Variants in TNFAIP2 observed in about 807,000 individuals in gnomAD.
TNFAIP2 encodes the protein tumor necrosis factor alpha-induced protein 2.
In TNFAIP2, 47 loss-of-function variants were observed where a neutral mutation model predicts 63.5. The ratio of observed to expected loss-of-function variants is 0.74; its 90% CI spans 0.59 to 0.94. The LOEUF (loss-of-function observed/expected upper bound fraction) is 0.94, where lower values mean the gene tolerates loss of function less well. Among genes scored for constraint, TNFAIP2 ranks in the 40% least tolerant of loss-of-function variants. The pLI is 0.00. For missense variants in TNFAIP2, 787 were observed against 850.2 expected (o/e 0.93, Z 0.92); for synonymous variants, 405 against 390.2 (o/e 1.04, Z -0.45).
At position 103,135,427 on chromosome 14, in the gene TNFAIP2, T is replaced by C. The variant is rs1737711524; in HGVS notation, c.*67T>C. On this transcript the variant is annotated 3_prime_UTR_variant, in exon 12 of 12. Transcript: ENST00000560869. This position sits in a 1 kb window ranked among gnomAD's most constrained non-coding sequence, Gnocchi z 7.6. ...CTTGGGCACACCCCGCTGGGAGCTG[T>C]TAAGAGCAGCGCTGGTTCTCGGTTC... 2 of 1,537,154 alleles carry C rather than the reference T, an allele frequency of 1.3e-6. No homozygotes were observed. The highest frequency in any genetic ancestry group is 2.5e-5 in the South Asian group (2 of 78,706).
chr14:103,137,023 C>T lies in TNFAIP2; in HGVS notation c.*1663C>T, dbSNP rs1353611157. The T allele has an allele frequency of 6.6e-6, 1 of 151,994 alleles. No homozygotes were observed. The highest frequency in any genetic ancestry group is 2.4e-5 in the African/African-American group (1 of 41,284). 9.4% of individuals were successfully genotyped at this position (151,994 alleles called of 1,614,324 possible). A position where few individuals can be genotyped will look rare whatever the true frequency, so the allele number is the denominator to read the frequency against. On this transcript the variant is annotated 3_prime_UTR_variant, in exon 12 of 12. Transcript: ENST00000560869. Reference sequence around the variant, plus strand: ...TCTGCCCACCGCACCCTCCGTTCATCCCCTGCCCTGCCGGGCACCTCGCTC... The same window carrying T: ...TCTGCCCACCGCACCCTCCGTTCATTCCCTGCCCTGCCGGGCACCTCGCTC...
At position 103,127,048 on chromosome 14, in the gene TNFAIP2, G is replaced by T. The variant is rs1056068641; in HGVS notation, c.279G>T (p.Ala93=). Residue 93 remains alanine (A), a synonymous_variant, in exon 3 of 12, where the codon GCG becomes GCT. Transcript: ENST00000560869. The surrounding 1 kb of genome is among the most constrained non-coding windows in gnomAD (Gnocchi z 5.1). ...KAALERGQLE[A]ARPLLALERE... ...CGCTGGAGCGCGGGCAGCTGGAGGC[G>T]GCGCGGCCGCTGCTGGCGCTGGAGC... The T allele has an allele frequency of 3.5e-6, 4 of 1,150,676 alleles. No homozygotes were observed. The highest frequency in any genetic ancestry group is 3.3e-5 in the African/African-American group (2 of 59,858). 71.3% of individuals were successfully genotyped at this position (1,150,676 alleles called of 1,614,324 possible).
At position 103,129,866 on chromosome 14, in the gene TNFAIP2, C is replaced by G. The variant is rs769858539; in HGVS notation, c.975+12C>G. ...TGTCCAGTGAGGCGGTGAGTCTCCACCTGGGCCAGGGAGGGGCAGGGAGGC... is the reference window on the plus strand; with the variant it reads ...TGTCCAGTGAGGCGGTGAGTCTCCAGCTGGGCCAGGGAGGGGCAGGGAGGC... On this transcript the variant is annotated intron_variant, in intron 4 of 11. Transcript: ENST00000560869. 1 of 1,612,180 alleles carries G rather than the reference C, an allele frequency of 6.2e-7. No homozygotes were observed. The highest frequency in any genetic ancestry group is 1.1e-5 in the South Asian group (1 of 91,020).
At position 103,135,920 on chromosome 14, in the gene TNFAIP2, C is replaced by T. The variant is rs561299265; in HGVS notation, c.*560C>T. ...GGCAGGGGCTTTTAGGGTCCTGTGG[C>T]GAGCTGTGAGCACCGCCAGCATTAG... On this transcript the variant is annotated 3_prime_UTR_variant, in exon 12 of 12. Coordinates refer to ENST00000560869, the MANE Select transcript of TNFAIP2 (RefSeq NM_006291.4). The surrounding 1 kb of genome is among the most constrained non-coding windows in gnomAD (Gnocchi z 7.6). 3.9e-6 allele frequency: 5 copies of T among 1,289,800 alleles called. No individual in the cohort carries two copies. The highest frequency in any genetic ancestry group is 5.5e-5 in the East Asian group (1 of 18,058). 79.9% of individuals were successfully genotyped at this position (1,289,800 alleles called of 1,614,324 possible).
At position 103,133,445 on chromosome 14, in the gene TNFAIP2, C is replaced by T. The variant is rs202219293; in HGVS notation, c.1629C>T (p.Ala543=). ...LSKGRLVLKT[A]EQQQQLAGYI... is the part of the protein sequence containing the mutation. ...AGGGGCGCCTGGTCCTCAAGACGGC[C>T]GAGCAGCAGCAGCAGCTGGCTGGGT... The change falls in exon 10 of 12, where the codon GCC becomes GCT. Residue 543 remains alanine (A), a synonymous_variant. Coordinates refer to ENST00000560869, the MANE Select transcript of TNFAIP2 (RefSeq NM_006291.4). The T allele has an allele frequency of 8.7e-5, 141 of 1,613,850 alleles. No homozygotes were observed. The highest frequency in any genetic ancestry group is 1.1e-4 in the Non-Finnish European group (128 of 1,180,024).
At chr14:103,122,816 C>T, upstream of TNFAIP2, 1 of 453,926 alleles carries the variant, frequency 2.2e-6, no homozygotes, top group South Asian at 1.6e-5. Flanking sequence ...CTAGGAACCC[C>T]ACTCCGCTAC....
chr14:103,135,415 C>T lies in TNFAIP2; in HGVS notation c.*55C>T, dbSNP rs2227304. The T allele has an allele frequency of 3.6e-3, 5,599 of 1,550,706 alleles. 170 individuals carry two copies. In the African/African-American group the frequency reaches 0.07, roughly 19 times the overall value. On this transcript the variant is annotated 3_prime_UTR_variant, in exon 12 of 12. Coordinates refer to ENST00000560869, the MANE Select transcript of TNFAIP2 (RefSeq NM_006291.4). This position sits in a 1 kb window ranked among gnomAD's most constrained non-coding sequence, Gnocchi z 7.6. ...TGCCCAGCAAGCCTTGGGCACACCC[C>T]GCTGGGAGCTGTTAAGAGCAGCGCT... is the stretch of plus-strand genomic sequence containing the variant.
rs145456121 is a variant in TNFAIP2 at position 103,133,518 on chromosome 14, G to A, written c.1701+1G>A. 16 of 1,612,864 alleles carry A rather than the reference G, an allele frequency of 9.9e-6. No individual in the cohort carries two copies. Among genetic ancestry groups the A allele is most frequent in the South Asian group, 6.6e-5 (6 of 91,042 alleles). On this transcript the variant is annotated splice_donor_variant, in intron 10 of 11. Transcript: ENST00000560869. LOFTEE classifies it high-confidence loss of function. ...CATCCAGCACTTCTGCACCCAGCAC[G>A]TAAGCCGCTGCCCACCTCTCCCAAG... is the stretch of plus-strand genomic sequence containing the variant.
At position 103,126,993 on chromosome 14, in the gene TNFAIP2, T is replaced by G; in HGVS notation, c.236-12T>G. ...GGCTGGGGCCGGGGCTGACGCGGCTTTCCCGGCGCAGTGGAGGAGCTGAAG... is the reference window on the plus strand; with the variant it reads ...GGCTGGGGCCGGGGCTGACGCGGCTGTCCCGGCGCAGTGGAGGAGCTGAAG... On this transcript the variant is annotated splice_polypyrimidine_tract_variant and intron_variant, in intron 2 of 11. Transcript: ENST00000560869. 2 of 1,212,508 alleles carry G rather than the reference T, an allele frequency of 1.6e-6. No homozygotes were observed. Among genetic ancestry groups the G allele is most frequent in the Non-Finnish European group, 2.1e-6 (2 of 973,238 alleles). 75.1% of individuals were successfully genotyped at this position (1,212,508 alleles called of 1,614,324 possible).
In TNFAIP2 at chr14:103,131,696, C is replaced by T; in HGVS notation, c.1356C>T (p.Gly452=). The part of the protein sequence containing the change: ...VPQDTLSLLL[G]PLGELKSHGF... The stretch of plus-strand genomic sequence containing the variant: ...AGGACACCCTGAGCCTCCTGCTGGG[C>T]CCCCTGGGTGAGCTCAAGAGCCACG... Residue 452 remains glycine (G), a synonymous_variant, in exon 8 of 12, where the codon GGC becomes GGT. Transcript: ENST00000560869. This position sits in a 1 kb window ranked among gnomAD's most constrained non-coding sequence, Gnocchi z 4.0. The T allele has an allele frequency of 6.2e-7, 1 of 1,609,472 alleles. No homozygotes were observed. The highest frequency in any genetic ancestry group is 8.5e-7 in the Non-Finnish European group (1 of 1,179,590).
intron 10 of TNFAIP2, 40 bp from the exon 11 acceptor site, chr14:103,133,642 C>T: frequency 6.5e-7 from 1 of 1,549,526 alleles, no homozygotes; most frequent in Non-Finnish European, 8.7e-7. Context: ...ACCCGAGCCT[C>T]TGGACCCCTG....
chr14:103,124,193 G>A (rs1219565906), intron 1 of TNFAIP2, among the ~76,000 whole-genome samples: 4 of 152,344 alleles, frequency 2.6e-5, no homozygotes, highest in East Asian at 3.9e-4. Context: ...CCAGCTAGGC[G>A]CCCAGCACTT....
upstream of TNFAIP2, chr14:103,122,477 G>T: frequency 2.8e-6 from 1 of 351,068 alleles, no homozygotes; most frequent in Non-Finnish European, 5.8e-6. Flanking sequence ...AAATGTCTGG[G>T]TCCTTTCCAG....
In TNFAIP2 at chr14:103,136,320, C is replaced by G. The variant is rs1132350; in HGVS notation, c.*960C>G. ...AGTTCTGCGGGTCAGAAGGCTGACC[C>G]GGGGCTCAAATCTGGGTGTCGGCAG... On this transcript the variant is annotated 3_prime_UTR_variant, in exon 12 of 12. Transcript: ENST00000560869. 1 of 176,308 alleles carries G rather than the reference C, an allele frequency of 5.7e-6. No homozygotes were observed. 10.9% of individuals were successfully genotyped at this position (176,308 alleles called of 1,614,324 possible).
At position 103,130,308 on chromosome 14, in the gene TNFAIP2, C is replaced by G. The variant is rs763773758; in HGVS notation, c.1099-7C>G. 1.7e-5 allele frequency: 27 copies of G among 1,553,536 alleles called. No individual in the cohort carries two copies. Among genetic ancestry groups the G allele is most frequent in the South Asian group, 1.2e-5 (1 of 84,408 alleles). On this transcript the variant is annotated splice_polypyrimidine_tract_variant and splice_region_variant and intron_variant, in intron 5 of 11. Coordinates refer to ENST00000560869, the MANE Select transcript of TNFAIP2 (RefSeq NM_006291.4). The stretch of plus-strand genomic sequence containing the variant: ...CCCTGCTCAGCTCACCCACCACCAC[C>G]CTGCAGATCACCTCCCAGGCCCAGG...
At position 103,131,046 on chromosome 14, in the gene TNFAIP2, C is replaced by T. The variant is rs773258278; in HGVS notation, c.1200-6C>T. 2.0e-5 allele frequency: 32 copies of T among 1,613,938 alleles called. 1 individual carries two copies. The East Asian group carries it at 4.5e-4, about 22-fold the overall frequency. On this transcript the variant is annotated splice_polypyrimidine_tract_variant and splice_region_variant and intron_variant, in intron 6 of 11. Coordinates refer to ENST00000560869, the MANE Select transcript of TNFAIP2 (RefSeq NM_006291.4). The surrounding 1 kb of genome is among the most constrained non-coding windows in gnomAD (Gnocchi z 4.0). ...GTCCTGAATGTGCCCCTTCTGGTTT[C>T]GCCAGCTACCAGCGCGCCTTTAATG...
intron 11 of TNFAIP2, 48 bp downstream of exon 11, chr14:103,133,851 A>C: frequency 1.3e-6 from 2 of 1,542,884 alleles, no homozygotes; most frequent in Non-Finnish European, 1.7e-6. Flanking sequence ...ACTGTGGCCA[A>C]GGCCTCACAG....
chr14:103,135,309 G>C lies in TNFAIP2; in HGVS notation c.1914G>C (p.Met638Ile). The C allele has an allele frequency of 6.2e-7, 1 of 1,613,838 alleles. No homozygotes were observed. Among genetic ancestry groups the C allele is most frequent in the Non-Finnish European group, 8.5e-7 (1 of 1,179,938 alleles). Residue 638 changes from methionine to isoleucine, a missense_variant, in exon 12 of 12, where the codon ATG (methionine) becomes ATC (isoleucine). By Grantham distance (10) the Met-to-Ile change is conservative (BLOSUM62 1). Coordinates refer to ENST00000560869, the MANE Select transcript of TNFAIP2 (RefSeq NM_006291.4). This position sits in a 1 kb window ranked among gnomAD's most constrained non-coding sequence, Gnocchi z 7.6. ...KRIRSILDVS[M>I]GAQEPSRPLF... ...TCCGGAGCATCTTGGACGTCAGCAT[G>C]GGGGCGCAGGAGCCCTCCCGGCCCC... is the stretch of plus-strand genomic sequence containing the variant.
Position 103,132,822 on chromosome 14 carries a change from G to T in TNFAIP2, c.1495G>T (p.Val499Leu). The T allele has an allele frequency of 6.2e-7, 1 of 1,614,104 alleles. No individual in the cohort carries two copies. The change falls in exon 9 of 12, where the codon GTA becomes TTA. Residue 499 changes from valine (V) to leucine (L), a missense_variant. Val to Leu is a conservative substitution (Grantham distance 32). Coordinates refer to ENST00000560869, the MANE Select transcript of TNFAIP2 (RefSeq NM_006291.4). ...VETLENIIAT[V>L]DTRLPEFSEL... ...GACCCTGGAAAACATCATCGCCACTGTAGACACGAGGCTGCCTGAGTTCTC... is the reference window on the plus strand; with the variant it reads ...GACCCTGGAAAACATCATCGCCACTTTAGACACGAGGCTGCCTGAGTTCTC...
Sources: allele counts gnomAD v4.1 joint callset (sites outside exome capture counted in the v4.1 genomes callset), GRCh38; gene constraint gnomAD v4.1.1; non-coding constraint Gnocchi (gnomAD v3.1); transcripts MANE v1.5; gene names NCBI Gene and HGNC (gene_info 2026-07-23, HGNC 2026-07-21).